NUP43: variants seen among roughly 807,000 people sequenced by gnomAD.
The protein encoded by NUP43 is nucleoporin Nup43.
A neutral mutation model predicts 47.3 loss-of-function variants in NUP43; 32 were observed. The observed-to-expected ratio is 0.68, with a 90% confidence interval of 0.51 to 0.91. The LOEUF is 0.91. NUP43 is among the 40% of genes least tolerant of loss of function. The pLI is 0.00. For synonymous variants in NUP43, 147 were observed against 158.4 expected (o/e 0.93, Z 0.54); for missense variants, 444 against 453.9 (o/e 0.98, Z 0.20).
chr6:149,738,324 G>C (rs997518634), intron 5 of NUP43, among the ~76,000 whole-genome samples: 1 of 152,046 alleles, frequency 6.6e-6, no homozygotes, highest in Non-Finnish European at 1.5e-5. Flanking sequence ...AAAATATTTG[G>C]AATTATATTT....
chr6:149,746,228 T>C (rs1785988440), intron 1 of NUP43, 148 bp downstream of exon 1: 1 of 1,354,300 alleles, frequency 7.4e-7, no homozygotes. Context: ...GGCTCTGAGC[T>C]ACGGAGCAAC....
intron 7 of NUP43, chr6:149,729,476 C>A: frequency 2.1e-6 from 2 of 972,070 alleles, no homozygotes; most frequent in Non-Finnish European, 2.4e-6. Flanking sequence ...CTGGCAACAA[C>A]ACTGGTGGTA....
chr6:149,743,528 G>A lies in NUP43; in HGVS notation c.321+110C>T, dbSNP rs539953140. ...GAGAATCACTTGAACTCAGAAGGTG[G>A]AGGCTGCGGTGAGCCGAGACTGCGC... On this transcript the variant is annotated intron_variant, in intron 3 of 7. Transcript: ENST00000340413. 1.2e-3 allele frequency: 763 copies of A among 621,396 alleles called. 2 individuals are homozygous for A. The highest frequency in any genetic ancestry group is 1.7e-3 in the Non-Finnish European group (611 of 357,226). 38.5% of individuals were successfully genotyped at this position (621,396 alleles called of 1,614,324 possible). A position where few individuals can be genotyped will look rare whatever the true frequency, so the allele number is the denominator to read the frequency against.
At chr6:149,730,300 C>T (rs1784971017) in intron 7 of NUP43, among the ~76,000 whole-genome samples, 1 of 152,236 alleles carries the variant, frequency 6.6e-6, no homozygotes, top group Non-Finnish European at 1.5e-5. Flanking sequence ...TGAGCCACCA[C>T]ACCCGGCCTG....
At chr6:149,746,336 G>C in intron 1 of NUP43, 40 bp downstream of exon 1, 3 of 1,606,268 alleles carry the variant, frequency 1.9e-6, no homozygotes, top group Non-Finnish European at 2.6e-6. Flanking sequence ...CAACCGGAGA[G>C]AGGGAGGAGG....
At chr6:149,743,175 C>G (rs79053254) in intron 3 of NUP43, among the ~76,000 whole-genome samples, 2 of 117,350 alleles carry the variant, frequency 1.7e-5, no homozygotes, top group African/African-American at 3.2e-5. Flanking sequence ...GACTCTGTCT[C>G]AAAAAAAAAA....
At chr6:149,730,083 C>A (rs1270876836) in intron 7 of NUP43, among the ~76,000 whole-genome samples, 1 of 151,384 alleles carries the variant, frequency 6.6e-6, no homozygotes, top group Admixed American at 6.6e-5. Context: ...AATCTCGGCT[C>A]GCTGAAACCT....
Position 149,746,483 on chromosome 6 carries a change from A to G in NUP43, c.13T>C (p.Tyr5His). 3 of 1,614,188 alleles carry G rather than the reference A, an allele frequency of 1.9e-6. No homozygotes were observed. Among genetic ancestry groups the G allele is most frequent in the Non-Finnish European group, 2.5e-6 (3 of 1,180,036 alleles). Residue 5 changes from tyrosine (Y) to histidine (H), a missense_variant, in exon 1 of 8, where the codon TAT becomes CAT. Tyr to His is a moderately conservative substitution (Grantham distance 83). Coordinates refer to ENST00000340413, the MANE Select transcript of NUP43 (RefSeq NM_198887.3). ...ATTTTCTGGGACACAAACTTCGCAT[A>G]AATTTCCTCCATGCCGAAAGCGGCC... MEEI[Y>H]AKFVSQKISK... is the part of the protein sequence containing the mutation.
rs1279829029 is a variant in NUP43 at position 149,743,781 on chromosome 6, A to C, written c.244-66T>G. On this transcript the variant is annotated intron_variant, in intron 2 of 7. Transcript: ENST00000340413. ...TAGCAGGGAGGAAGTCCATTTGTTT[A>C]TTTAACTCAATTAGTAGCAAATCTT... The C allele has an allele frequency of 2.7e-5, 25 of 922,224 alleles. No individual in the cohort carries two copies. In the East Asian group the frequency reaches 6.1e-4, roughly 23 times the overall value. The allele number at this position is 922,224 out of a possible 1,614,324, so 57.1% of individuals were successfully genotyped here. A position where few individuals can be genotyped will look rare whatever the true frequency, so the allele number is the denominator to read the frequency against.
chr6:149,740,406 G>A (rs185580089), intron 4 of NUP43, among the ~76,000 whole-genome samples: 4 of 152,114 alleles, frequency 2.6e-5, no homozygotes, highest in African/African-American at 4.8e-5. Context: ...CGAGGCAGGC[G>A]AATGACAAAG....
At chr6:149,728,144 C>T in intron 7 of NUP43, 3 of 985,278 alleles carry the variant, frequency 3.0e-6, no homozygotes, top group Non-Finnish European at 3.6e-6. Context: ...TACTTTATAA[C>T]AATTCTTATA....
intron 7 of NUP43, among the ~76,000 whole-genome samples, chr6:149,729,997 G>T (rs1292042087): frequency 6.6e-6 from 1 of 151,576 alleles, no homozygotes; most frequent in Non-Finnish European, 1.5e-5. Flanking sequence ...TGACTGTAAT[G>T]AGGAAAGCAC....
Position 149,725,317 on chromosome 6 carries a change from G to A in NUP43, c.*1652C>T, listed in dbSNP as rs1292582958. 1 of 152,096 alleles carries A rather than the reference G, an allele frequency of 6.6e-6. No individual in the cohort carries two copies. The highest frequency in any genetic ancestry group is 2.4e-5 in the African/African-American group (1 of 41,400). The allele number at this position is 152,096 out of a possible 1,614,324, so 9.4% of individuals were successfully genotyped here. ...TCTCTACTAATACAAAAATCAGCCGGGAGCAGTGGCTCAAGCCTGTAATCC... is the reference window on the plus strand; with the variant it reads ...TCTCTACTAATACAAAAATCAGCCGAGAGCAGTGGCTCAAGCCTGTAATCC... On this transcript the variant is annotated 3_prime_UTR_variant, in exon 8 of 8. Transcript: ENST00000340413.
chr6:149,731,854 G>A (rs1183449350), intron 6 of NUP43, 119 bp from the exon 7 acceptor site: 1 of 1,027,722 alleles, frequency 9.7e-7, no homozygotes, highest in East Asian at 2.5e-5. Flanking sequence ...CGAGCCTCAA[G>A]TCTGTCCTAA....
intron 2 of NUP43, among the ~76,000 whole-genome samples, chr6:149,744,268 G>A (rs1345855733): frequency 1.3e-5 from 2 of 152,196 alleles, no homozygotes; most frequent in Non-Finnish European, 2.9e-5. Flanking sequence ...GCTGACGCCT[G>A]TAATCCCAGC....
chr6:149,731,085 T>C lies in NUP43; in HGVS notation c.913+528A>G, dbSNP rs561044434. Among the ~76,000 whole-genome samples the C allele has an allele frequency of 5.2e-3, 798 of 152,044 alleles. 5 individuals are homozygous for C. Among genetic ancestry groups the C allele is most frequent in the Non-Finnish European group, 8.0e-3 (544 of 67,988 alleles). On this transcript the variant is annotated intron_variant, in intron 7 of 7. Coordinates refer to ENST00000340413, the MANE Select transcript of NUP43 (RefSeq NM_198887.3). ...GAGTTTGAGACCAGCCTGGCCAACA[T>C]AGCAAAACCCCATCTCTACTAAAAA...
rs376124130 is a variant in NUP43 at position 149,727,359 on chromosome 6, A to T, written c.914-161T>A. On this transcript the variant is annotated intron_variant, in intron 7 of 7. Coordinates refer to ENST00000340413, the MANE Select transcript of NUP43 (RefSeq NM_198887.3). The stretch of plus-strand genomic sequence containing the variant: ...TTATTATACATCACCACTTTGGACC[A>T]AAGGCTTATTCAGTGATATTAAATA... 2.2e-4 allele frequency: 219 copies of T among 982,360 alleles called. 2 individuals carry two copies. The South Asian group carries it at 9.7e-3, about 44-fold the overall frequency. 60.9% of individuals were successfully genotyped at this position (982,360 alleles called of 1,614,324 possible).
chr6:149,735,598 C>CCAAAAA (rs1785286309), intron 6 of NUP43, among the ~76,000 whole-genome samples: 1 of 51,312 alleles, frequency 1.9e-5, no homozygotes, highest in African/African-American at 8.5e-5. Flanking sequence ...ACCCTGTCTC[C>CCAAAAA]AAAAAAAAAA....
At chr6:149,738,995 T>C (rs1359301039) in intron 4 of NUP43, among the ~76,000 whole-genome samples, 2 of 151,874 alleles carry the variant, frequency 1.3e-5, no homozygotes, top group Non-Finnish European at 2.9e-5. Flanking sequence ...CTGTTTTCTG[T>C]TTCTTTTTTT....
Sources: allele counts gnomAD v4.1 joint callset (sites outside exome capture counted in the v4.1 genomes callset), GRCh38; gene constraint gnomAD v4.1.1; transcripts MANE v1.5; gene names NCBI Gene and HGNC (gene_info 2026-07-23, HGNC 2026-07-21).